Variants in RAPGEF2 observed in about 807,000 individuals in gnomAD.
RAPGEF2 encodes PDZ domain containing guanine nucleotide exchange factor (GEF) 1.
Under a neutral mutation model 186.7 loss-of-function variants are expected in RAPGEF2, and 54 were observed. The observed-to-expected ratio is 0.29, with a 90% CI of 0.23 to 0.36. The LOEUF (loss-of-function observed/expected upper bound fraction) is 0.36, where lower values mean the gene tolerates loss of function less well. RAPGEF2 is among the 10% of genes least tolerant of loss of function. The pLI, the probability that RAPGEF2 is intolerant of heterozygous loss-of-function variation, is 1.00. For synonymous variants in RAPGEF2, 712 were observed against 705.9 expected, an observed-to-expected ratio of 1.01 and a Z score of -0.14; for missense variants, 1,532 against 2,045.0, an observed-to-expected ratio of 0.75 and a Z score of 4.84.
intron 4 of RAPGEF2, among the ~76,000 whole-genome samples, chr4:159,225,721 A>T (rs1751965573): frequency 6.6e-6 from 1 of 151,998 alleles, no homozygotes; most frequent in South Asian, 2.1e-4. Flanking sequence ...TTTATTTTGC[A>T]TTTCTCTGAA....
chr4:159,354,658 C>T (rs1314483695), intron 28 of RAPGEF2, among the ~76,000 whole-genome samples: 1 of 152,182 alleles, frequency 6.6e-6, no homozygotes, highest in Non-Finnish European at 1.5e-5. Flanking sequence ...GGGTAAAATA[C>T]AAAACAGTGC....
At chr4:159,234,063 A>G (rs1310722426) in intron 4 of RAPGEF2, among the ~76,000 whole-genome samples, 1 of 152,068 alleles carries the variant, frequency 6.6e-6, no homozygotes, top group Non-Finnish European at 1.5e-5. Flanking sequence ...TAATTTTGAT[A>G]GAGGGTATGT....
intron 27 of RAPGEF2, 28 bp downstream of exon 27, chr4:159,352,938 GA>G (rs1269494936): frequency 4.5e-6 from 7 of 1,543,044 alleles, no homozygotes; most frequent in Non-Finnish European, 6.2e-6. Flanking sequence ...ATATTCTTCT[GA>G]ATTTATCCTT....
At chr4:159,209,131 A>G (rs907655479) in intron 3 of RAPGEF2, among the ~76,000 whole-genome samples, 9 of 147,470 alleles carry the variant, frequency 6.1e-5, no homozygotes, top group Admixed American at 4.2e-4. Flanking sequence ...ACCTCAGGTG[A>G]TCCGCCTGCC....
At chr4:159,106,884 G>A (rs1202452232) in intron 1 of RAPGEF2, among the ~76,000 whole-genome samples, 2 of 152,148 alleles carry the variant, frequency 1.3e-5, no homozygotes, top group African/African-American at 4.8e-5. Context: ...AGAGTACCAG[G>A]AACTTTCATA....
At chr4:159,178,551 CTTTTTTTTT>C (rs71589215) in intron 1 of RAPGEF2, among the ~76,000 whole-genome samples, 1 of 75,468 alleles carries the variant, frequency 1.3e-5, no homozygotes, top group Non-Finnish European at 2.3e-5. Flanking sequence ...ATGTATTATG[CTTTTTTTTT>C]TTTTTTTTTT....
intron 11 of RAPGEF2, among the ~76,000 whole-genome samples, chr4:159,326,019 A>G (rs567675490): frequency 3.9e-5 from 6 of 152,266 alleles, no homozygotes; most frequent in Admixed American, 6.5e-5. Context: ...GAAAGTCCCT[A>G]TCTTCCTTTC....
intron 7 of RAPGEF2, among the ~76,000 whole-genome samples, chr4:159,276,531 T>TA (rs1488166206): frequency 6.6e-6 from 1 of 152,188 alleles, no homozygotes; most frequent in Non-Finnish European, 1.5e-5. Context: ...TTGTTTTTGT[T>TA]ACGGTTATTT....
At chr4:159,133,607 G>A (rs1483396623) in intron 1 of RAPGEF2, among the ~76,000 whole-genome samples, 1 of 146,372 alleles carries the variant, frequency 6.8e-6, no homozygotes, top group African/African-American at 2.5e-5. Context: ...TTTATTTTTC[G>A]GAGTCTGGCT....
chr4:159,255,224 G>T (rs115989774), intron 7 of RAPGEF2, among the ~76,000 whole-genome samples: 3 of 152,076 alleles, frequency 2.0e-5, no homozygotes, highest in Non-Finnish European at 4.4e-5. Context: ...CAATGACGCC[G>T]TTCTCGGAAT....
At chr4:159,283,343 T>C (rs1362943275) in intron 7 of RAPGEF2, among the ~76,000 whole-genome samples, 1 of 152,204 alleles carries the variant, frequency 6.6e-6, no homozygotes, top group Non-Finnish European at 1.5e-5. Context: ...ATTTAAGTTA[T>C]ATCTACTACA....
intron 1 of RAPGEF2, 45 bp from the exon 2 acceptor site, chr4:159,186,597 T>G: frequency 9.3e-7 from 1 of 1,075,762 alleles, no homozygotes. Context: ...TAGAAACCCC[T>G]TTTCCTGACA....
At chr4:159,203,300 G>A (rs2111349769) in intron 3 of RAPGEF2, among the ~76,000 whole-genome samples, 1 of 152,218 alleles carries the variant, frequency 6.6e-6, no homozygotes, top group Admixed American at 6.5e-5. Flanking sequence ...TGTCTATTCA[G>A]TTCATTAATT....
At chr4:159,233,725 A>G (rs1752906029) in intron 4 of RAPGEF2, among the ~76,000 whole-genome samples, 1 of 152,178 alleles carries the variant, frequency 6.6e-6, no homozygotes, top group Non-Finnish European at 1.5e-5. Flanking sequence ...TAAAGAACTT[A>G]TGTAACCAAG....
intron 4 of RAPGEF2, among the ~76,000 whole-genome samples, chr4:159,233,210 C>T (rs1215356036): frequency 6.6e-6 from 1 of 152,112 alleles, no homozygotes; most frequent in African/African-American, 2.4e-5. Context: ...CTTTTATTTT[C>T]CAGAGCTAAA....
At chr4:159,267,848 A>C (rs1374632550) in intron 7 of RAPGEF2, 1 of 1,077,504 alleles carries the variant, frequency 9.3e-7, no homozygotes, top group Non-Finnish European at 1.1e-6. Context: ...AATCTCAGAA[A>C]TGATCTTGTT....
chr4:159,277,255 A>T (rs1278507030), intron 7 of RAPGEF2, among the ~76,000 whole-genome samples: 1 of 152,116 alleles, frequency 6.6e-6, no homozygotes, highest in Non-Finnish European at 1.5e-5. Context: ...ACATGAACTC[A>T]TCATTTTTTA....
intron 1 of RAPGEF2, among the ~76,000 whole-genome samples, chr4:159,120,006 A>G (rs1172032835): frequency 6.6e-6 from 1 of 152,148 alleles, no homozygotes; most frequent in Non-Finnish European, 1.5e-5. Context: ...TCACTCCCCA[A>G]AGCTGAATCA....
chr4:159,356,573 G>A (rs57830949), intron 29 of RAPGEF2, among the ~76,000 whole-genome samples: 239 of 152,164 alleles, frequency 1.6e-3, no homozygotes, highest in African/African-American at 4.9e-3. Flanking sequence ...TCTAATTCTC[G>A]TTAAAATTGA....
Sources: allele counts gnomAD v4.1 joint callset (sites outside exome capture counted in the v4.1 genomes callset), GRCh38; gene constraint gnomAD v4.1.1; transcripts MANE v1.5; gene names NCBI Gene and HGNC (gene_info 2026-07-23, HGNC 2026-07-21).